SNX5: variants seen among roughly 807,000 people sequenced by gnomAD.
SNX5 encodes sorting nexin-5.
Under a neutral mutation model 53.9 loss-of-function variants are expected in SNX5, and 31 were observed. That is an observed-to-expected ratio of 0.58 (90% CI 0.43 to 0.78). The LOEUF (loss-of-function observed/expected upper bound fraction) is 0.78. Ranked by LOEUF, SNX5 falls within the 30% of genes least tolerant of loss-of-function variation. SNX5 has a pLI of 0.00. For synonymous variants in SNX5, 168 were observed against 171.1 expected (o/e 0.98, Z 0.14); for missense variants, 471 against 478.8 (o/e 0.98, Z 0.15).
Position 17,941,646 on chromosome 20 carries a change from CCCAAAGACATA to C in SNX5, c.*700_*710del, listed in dbSNP as rs2039417189. On this transcript the variant is annotated 3_prime_UTR_variant, in exon 13 of 13. Coordinates refer to ENST00000377759, the MANE Select transcript of SNX5 (RefSeq NM_014426.4). ...TATATGCTTTATAAAAAAACAAACA[CCCAAAGACATA>C]CAACACACCGCCCTCACCCCCCAGC... is the stretch of plus-strand genomic sequence containing the variant. The C allele has an allele frequency of 6.6e-6, 1 of 152,136 alleles. No homozygotes were observed. The highest frequency in any genetic ancestry group is 1.5e-5 in the Non-Finnish European group (1 of 68,054). 9.4% of individuals were successfully genotyped at this position (152,136 alleles called of 1,614,324 possible).
At chr20:17,952,479 T>C in intron 5 of SNX5, 108 bp downstream of exon 5, 1 of 1,113,916 alleles carries the variant, frequency 9.0e-7, no homozygotes, top group East Asian at 2.5e-5. Context: ...TAAAAAGGTT[T>C]CCATTGTGTA....
chr20:17,965,089 G>A (rs1037665848), intron 1 of SNX5, among the ~76,000 whole-genome samples: 15 of 152,220 alleles, frequency 9.9e-5, no homozygotes, highest in African/African-American at 2.4e-4. Flanking sequence ...TGAAAAATTC[G>A]CAACAAGCAC....
chr20:17,962,198 CTT>C (rs71194211), intron 1 of SNX5: 31,627 of 133,042 alleles, frequency 0.24, 2,840 homozygotes, highest in East Asian at 0.39. Context: ...ATTAACTCTG[CTT>C]TTTTTTTTTT....
chr20:17,945,060 G>T (rs973700132), intron 11 of SNX5: 1 of 152,156 alleles, frequency 6.6e-6, no homozygotes, highest in Non-Finnish European at 1.5e-5. Flanking sequence ...CCTCCTTCCT[G>T]TCTCTACAGT....
Position 17,942,023 on chromosome 20 carries a change from C to T in SNX5, c.*334G>A. On this transcript the variant is annotated 3_prime_UTR_variant, in exon 13 of 13. Transcript: ENST00000377759. ...CCTGACAATCATGGGTTTGTAGGGA[C>T]ATGGGCCAGGTGATGGCTTCTACTT... 9.5e-6 allele frequency: 2 copies of T among 209,492 alleles called. No individual in the cohort carries two copies. Among genetic ancestry groups the T allele is most frequent in the South Asian group, 1.4e-4 (2 of 14,320 alleles). 13.0% of individuals were successfully genotyped at this position (209,492 alleles called of 1,614,324 possible).
In SNX5 at chr20:17,942,384, G is replaced by C. The variant is rs1281066272; in HGVS notation, c.1188C>G (p.Ser396Arg). 1 of 1,611,484 alleles carries C rather than the reference G, an allele frequency of 6.2e-7. No homozygotes were observed. Among genetic ancestry groups the C allele is most frequent in the Admixed American group, 1.7e-5 (1 of 60,016 alleles). The part of the protein sequence containing the change: ...HARNNVSLLQ[S>R]CIDLFKNN ...AGTTATTCTTGAACAAGTCAATACA[G>C]CTCTGCAAAAGGGAGACATTGTTCT... Residue 396 changes from serine (S) to arginine (R), a missense_variant, in exon 13 of 13, where the codon AGC (serine) becomes AGG (arginine). Coordinates refer to ENST00000377759, the MANE Select transcript of SNX5 (RefSeq NM_014426.4).
intron 2 of SNX5, among the ~76,000 whole-genome samples, chr20:17,956,697 A>AAAAAC (rs2035365563): frequency 7.9e-6 from 1 of 126,552 alleles, no homozygotes; most frequent in African/African-American, 2.8e-5. Flanking sequence ...AAAAAAAAAA[A>AAAAAC]AAAAAAACAA....
At position 17,942,203 on chromosome 20, in the gene SNX5, TG is replaced by T; in HGVS notation, c.*153del. On this transcript the variant is annotated 3_prime_UTR_variant, in exon 13 of 13. Transcript: ENST00000377759. ...AAGCAATAATATTTTTAAACCAACA[TG>T]GTTAAATGTTAAGATTTGTAGAAAT... 1 of 613,814 alleles carries T rather than the reference TG, an allele frequency of 1.6e-6. No homozygotes were observed. The highest frequency in any genetic ancestry group is 2.9e-6 in the Non-Finnish European group (1 of 345,366). The allele number at this position is 613,814 out of a possible 1,614,324, so 38.0% of individuals were successfully genotyped here.
rs902773514 is a variant in SNX5 at position 17,961,863 on chromosome 20, T to C, written c.52-4826A>G. 22 of 985,324 alleles carry C rather than the reference T, an allele frequency of 2.2e-5. No homozygotes were observed. The African/African-American group carries it at 3.5e-4, about 16-fold the overall frequency. 61.0% of individuals were successfully genotyped at this position (985,324 alleles called of 1,614,324 possible). On this transcript the variant is annotated intron_variant, in intron 1 of 12. Coordinates refer to ENST00000377759, the MANE Select transcript of SNX5 (RefSeq NM_014426.4). ...CAAGAAGCCTGCCTCCTTGATCAGATTTTCAGCTGGAAAGATATCCACACC... is the reference window on the plus strand; with the variant it reads ...CAAGAAGCCTGCCTCCTTGATCAGACTTTCAGCTGGAAAGATATCCACACC...
At chr20:17,961,329 G>C (rs1426976202) in intron 1 of SNX5, 2 of 985,268 alleles carry the variant, frequency 2.0e-6, no homozygotes, top group Non-Finnish European at 2.4e-6. Context: ...CTGGATGACT[G>C]AACAACACAA....
At chr20:17,955,537 C>G in intron 2 of SNX5, 62 bp from the exon 3 acceptor site, 1 of 1,148,726 alleles carries the variant, frequency 8.7e-7, no homozygotes, top group Non-Finnish European at 1.3e-6. Context: ...TCTGGGTTTC[C>G]TAGGCTACAC....
At chr20:17,943,791 T>C (rs2039449511) in intron 11 of SNX5, 1 of 152,274 alleles carries the variant, frequency 6.6e-6, no homozygotes. Context: ...GAAAATGGTA[T>C]AGAGGTTCCT....
chr20:17,965,453 C>T (rs909275789), intron 1 of SNX5, among the ~76,000 whole-genome samples: 4 of 152,170 alleles, frequency 2.6e-5, no homozygotes, highest in African/African-American at 9.7e-5. Context: ...AGCACAATGG[C>T]TCATGCCTGT....
intron 11 of SNX5, 155 bp from the exon 12 acceptor site, chr20:17,943,350 A>G (rs2039443161): frequency 6.4e-6 from 4 of 627,392 alleles, no homozygotes; most frequent in Non-Finnish European, 1.1e-5. Flanking sequence ...ACTGGGACAC[A>G]TCAGACATCT....
rs1394712202 is a variant in SNX5 at position 17,961,378 on chromosome 20, AG to A, written c.52-4342del. On this transcript the variant is annotated intron_variant, in intron 1 of 12. Coordinates refer to ENST00000377759, the MANE Select transcript of SNX5 (RefSeq NM_014426.4). ...AAAACTCAGAACCCACCAGGAGAAC[AG>A]AAAAAATACAGTTTTTTCTAAGTGG... is the stretch of plus-strand genomic sequence containing the variant. 5.1e-6 allele frequency: 5 copies of A among 985,372 alleles called. No individual in the cohort carries two copies. In the African/African-American group the frequency reaches 8.7e-5, roughly 17 times the overall value. 61.0% of individuals were successfully genotyped at this position (985,372 alleles called of 1,614,324 possible). A position where few individuals can be genotyped will look rare whatever the true frequency, so the allele number is the denominator to read the frequency against.
chr20:17,952,856 CTA>C, intron 4 of SNX5, 146 bp from the exon 5 acceptor site: 1 of 934,652 alleles, frequency 1.1e-6, no homozygotes. Context: ...AAACTGGTGT[CTA>C]GTTAGATACT....
At position 17,942,414 on chromosome 20, in the gene SNX5, G is replaced by C. The variant is rs780938519; in HGVS notation, c.1165-7C>G. 5 of 1,608,956 alleles carry C rather than the reference G, an allele frequency of 3.1e-6. No individual in the cohort carries two copies. The South Asian group carries it at 5.5e-5, about 18-fold the overall frequency. On this transcript the variant is annotated splice_region_variant and splice_polypyrimidine_tract_variant and intron_variant, in intron 12 of 12. Coordinates refer to ENST00000377759, the MANE Select transcript of SNX5 (RefSeq NM_014426.4). ...GCAAAAGGGAGACATTGTTCTGTGG[G>C]GAAAAAAGGCAAGGCAGACCAGTGA...
intron 12 of SNX5, chr20:17,942,847 C>CA (rs1177807144): frequency 2.5e-6 from 1 of 402,826 alleles, no homozygotes; most frequent in Non-Finnish European, 4.4e-6. Context: ...CACCTGAGGT[C>CA]AGGGGTTCAA....
intron 1 of SNX5, chr20:17,961,252 A>C (rs915863195): frequency 1.6e-5 from 16 of 985,284 alleles, no homozygotes; most frequent in African/African-American, 3.5e-5. Flanking sequence ...TCCAAATTTC[A>C]CTTACGACTC....
Sources: allele counts gnomAD v4.1 joint callset (sites outside exome capture counted in the v4.1 genomes callset), GRCh38; gene constraint gnomAD v4.1.1; transcripts MANE v1.5; gene names NCBI Gene and HGNC (gene_info 2026-07-23, HGNC 2026-07-21).